PRDM16: variants seen among roughly 807,000 people sequenced by gnomAD.
PRDM16 encodes the protein PR/SET domain 16, also known as histone-lysine N-methyltransferase PRDM16.
Under a neutral mutation model 110.6 loss-of-function variants are expected in PRDM16, and 23 were observed. The ratio of observed to expected loss-of-function variants is 0.21; its 90% CI spans 0.15 to 0.29. The LOEUF (loss-of-function observed/expected upper bound fraction) is 0.29. PRDM16 is among the 10% of genes least tolerant of loss of function. The pLI, the probability that PRDM16 is intolerant of heterozygous loss-of-function variation, is 1.00. For synonymous variants in PRDM16, 799 were observed against 781.8 expected, an observed-to-expected ratio of 1.02 and a Z score of -0.37; for missense variants, 1,615 against 1,794.3, an observed-to-expected ratio of 0.90 and a Z score of 1.81.
intron 3 of PRDM16, among the ~76,000 whole-genome samples, chr1:3,298,266 C>A (rs544891973): frequency 3.9e-5 from 6 of 152,242 alleles, no homozygotes; most frequent in Admixed American, 6.5e-5. Flanking sequence ...TCGAGTCCTG[C>A]ACCCCTCTCC....
intron 1 of PRDM16, among the ~76,000 whole-genome samples, chr1:3,077,583 C>T (rs1641928463): frequency 6.6e-6 from 1 of 152,206 alleles, no homozygotes; most frequent in Admixed American, 6.5e-5. Context: ...AATTTGGGGT[C>T]CTGGAGCCAG....
intron 8 of PRDM16, among the ~76,000 whole-genome samples, chr1:3,409,231 G>A (rs1643626899): frequency 1.3e-5 from 2 of 151,844 alleles, no homozygotes; most frequent in South Asian, 2.1e-4. Context: ...GTGTGGGTGT[G>A]AGAGTGTGTG....
chr1:3,341,108 C>A (rs578262099), intron 3 of PRDM16, among the ~76,000 whole-genome samples: 1 of 150,122 alleles, frequency 6.7e-6, no homozygotes, highest in East Asian at 1.9e-4. Flanking sequence ...GTTTCTCCCC[C>A]TCTGAGCCCT....
chr1:3,368,221 G>A (rs1168180683), intron 3 of PRDM16, among the ~76,000 whole-genome samples: 3 of 152,226 alleles, frequency 2.0e-5, no homozygotes, highest in African/African-American at 7.2e-5. Context: ...ACATTCATTA[G>A]GAGGCAGTCC....
intron 4 of PRDM16, among the ~76,000 whole-genome samples, chr1:3,388,845 C>T (rs971316591): frequency 1.3e-5 from 2 of 152,206 alleles, no homozygotes; most frequent in Non-Finnish European, 2.9e-5. Context: ...TCCTGGCCTT[C>T]ACTGGATGTG....
Position 3,243,357 on chromosome 1 carries a change from A to C in PRDM16, c.388-730A>C, listed in dbSNP as rs1639717918. 7.0e-6 allele frequency among the ~76,000 whole-genome samples: 1 copy of C among 142,712 alleles called. No individual in the cohort carries two copies. Among genetic ancestry groups the C allele is most frequent in the African/African-American group, 2.6e-5 (1 of 37,854 alleles). The allele number at this position is 142,712 out of a possible 152,430, so 93.6% of individuals were successfully genotyped here. The stretch of plus-strand genomic sequence containing the variant: ...GGATGGGAGTGAAGAGCCAGTTAAA[A>C]CACTCCCACCTCTGATTTGCCAAAA... On this transcript the variant is annotated intron_variant, in intron 2 of 16. Coordinates refer to ENST00000270722, the MANE Select transcript of PRDM16 (RefSeq NM_022114.4). This position sits in a 1 kb window ranked among gnomAD's most constrained non-coding sequence, Gnocchi z 5.5.
chr1:3,417,770 C>T (rs1638310226), intron 10 of PRDM16, 58 bp from the exon 11 acceptor site: 2 of 1,470,784 alleles, frequency 1.4e-6, no homozygotes, highest in East Asian at 4.5e-5. Context: ...GCAGTGCGTG[C>T]CCCTGAAGAC....
chr1:3,146,910 G>A (rs1452688733), intron 1 of PRDM16, among the ~76,000 whole-genome samples: 1 of 61,690 alleles, frequency 1.6e-5, no homozygotes, highest in African/African-American at 1.2e-4. Flanking sequence ...TGTGTGCTCA[G>A]TGTGGGGGGG....
chr1:3,198,552 G>A lies in PRDM16; in HGVS notation c.387+12078G>A, dbSNP rs775880420. Among the ~76,000 whole-genome samples, 12 of 152,330 alleles carry A rather than the reference G, an allele frequency of 7.9e-5. No homozygotes were observed. In the South Asian group the frequency reaches 1.2e-3, roughly 16 times the overall value. On this transcript the variant is annotated intron_variant, in intron 2 of 16. Coordinates refer to ENST00000270722, the MANE Select transcript of PRDM16 (RefSeq NM_022114.4). ...ACTGGGCCGTGGCCTTCTGGGACGC[G>A]TGGGCAGCACCACCGTGCTTTCCAG...
chr1:3,408,361 G>C (rs936771781), intron 8 of PRDM16, among the ~76,000 whole-genome samples: 3 of 152,222 alleles, frequency 2.0e-5, no homozygotes, highest in African/African-American at 7.2e-5. Context: ...AGAAGGGGTG[G>C]GTAGAGCGAG....
chr1:3,082,748 T>A (rs1366530221), intron 1 of PRDM16, among the ~76,000 whole-genome samples: 3 of 152,190 alleles, frequency 2.0e-5, no homozygotes, highest in African/African-American at 7.2e-5. Context: ...TCATCTCAGC[T>A]GCCCCAGGGC....
chr1:3,176,110 T>C (rs1162425540), intron 1 of PRDM16, among the ~76,000 whole-genome samples: 2 of 152,206 alleles, frequency 1.3e-5, no homozygotes, highest in Non-Finnish European at 2.9e-5. Flanking sequence ...TACCCATCCA[T>C]TCATCCATTC....
At chr1:3,125,978 G>A (rs1643196441) in intron 1 of PRDM16, among the ~76,000 whole-genome samples, 1 of 152,242 alleles carries the variant, frequency 6.6e-6, no homozygotes, top group South Asian at 2.1e-4. Context: ...AGGAATTAGC[G>A]TTTGAGTGGC....
rs1638266047 is a variant in PRDM16 at position 3,190,220 on chromosome 1, A to G, written c.387+3746A>G. On this transcript the variant is annotated intron_variant, in intron 2 of 16. Coordinates refer to ENST00000270722, the MANE Select transcript of PRDM16 (RefSeq NM_022114.4). This position sits in a 1 kb window ranked among gnomAD's most constrained non-coding sequence, Gnocchi z 5.0. ...CAGCGTTACTTCAAGGTCGTGGGGC[A>G]GCCTTACTTCAAGGTCGTGGGGCAG... Among the ~76,000 whole-genome samples the G allele has an allele frequency of 6.9e-6, 1 of 145,706 alleles. No individual in the cohort carries two copies. The highest frequency in any genetic ancestry group is 2.2e-4 in the South Asian group (1 of 4,624).
chr1:3,436,033 C>T lies in PRDM16; in HGVS notation c.*2222C>T, dbSNP rs1557677083. ...ACACAACTGCTCAGGCCTTCTCACG[C>T]GTTTCCACAACATCCCCTGGGTCAG... On this transcript the variant is annotated 3_prime_UTR_variant, in exon 17 of 17. Transcript: ENST00000270722. 1 of 230,128 alleles carries T rather than the reference C, an allele frequency of 4.3e-6. No homozygotes were observed. Among genetic ancestry groups the T allele is most frequent in the Non-Finnish European group, 8.6e-6 (1 of 116,124 alleles). 14.3% of individuals were successfully genotyped at this position (230,128 alleles called of 1,614,324 possible).
intron 8 of PRDM16, among the ~76,000 whole-genome samples, chr1:3,408,662 G>A (rs530263548): frequency 1.4e-5 from 2 of 138,280 alleles, no homozygotes; most frequent in Admixed American, 6.9e-5. Flanking sequence ...TGGCATGTGT[G>A]AGAGTGTGTG....
chr1:3,322,744 C>G (rs924773785), intron 3 of PRDM16, among the ~76,000 whole-genome samples: 17 of 152,244 alleles, frequency 1.1e-4, no homozygotes, highest in African/African-American at 4.1e-4. Flanking sequence ...AATCCACATC[C>G]TTTGCTCCCT....
At chr1:3,356,434 C>T (rs771166993) in intron 3 of PRDM16, among the ~76,000 whole-genome samples, 7 of 152,324 alleles carry the variant, frequency 4.6e-5, no homozygotes, top group South Asian at 4.1e-4. Flanking sequence ...TCCGGGGAGA[C>T]GGGAGTGGGG....
intron 1 of PRDM16, among the ~76,000 whole-genome samples, chr1:3,071,468 C>T (rs993431096): frequency 1.3e-5 from 2 of 152,250 alleles, no homozygotes; most frequent in African/African-American, 2.4e-5. Context: ...CACACTTGGC[C>T]GAGCGCTGGG....
Sources: allele counts gnomAD v4.1 joint callset (sites outside exome capture counted in the v4.1 genomes callset), GRCh38; gene constraint gnomAD v4.1.1; non-coding constraint Gnocchi (gnomAD v3.1); transcripts MANE v1.5; gene names NCBI Gene and HGNC (gene_info 2026-07-23, HGNC 2026-07-21).